Variants in TMTC1 observed in about 807,000 individuals in gnomAD.
TMTC1 encodes protein O-mannosyl-transferase TMTC1.
In TMTC1, 73 loss-of-function variants were observed where a neutral mutation model predicts 104.8. The observed-to-expected ratio is 0.70, with a 90% CI of 0.58 to 0.85. TMTC1 has a LOEUF of 0.85. Ranked by LOEUF, TMTC1 falls within the 40% of genes least tolerant of loss-of-function variation. The probability of loss-of-function intolerance (pLI) is 0.00; values close to 1 mark genes in which losing one functional copy is unlikely to be tolerated. For synonymous variants in TMTC1, 434 were observed against 428.7 expected (o/e 1.01, Z -0.15); for missense variants, 1,035 against 1,096.1 (o/e 0.94, Z 0.79).
At chr12:29,513,030 C>T (rs114668082) in intron 16 of TMTC1, among the ~76,000 whole-genome samples, 2,408 of 152,180 alleles carry the variant, frequency 0.016, 93 homozygotes, top group African/African-American at 0.055. Context: ...GAAACTATAC[C>T]TTCAAAAAGC....
At chr12:29,665,478 T>G (rs563336050) in intron 5 of TMTC1, among the ~76,000 whole-genome samples, 18 of 152,298 alleles carry the variant, frequency 1.2e-4, no homozygotes, top group Admixed American at 6.5e-5. Flanking sequence ...CCATAGTTAC[T>G]TGGTCCTCAA....
intron 5 of TMTC1, among the ~76,000 whole-genome samples, chr12:29,644,998 T>C (rs918973): frequency 0.041 from 6,294 of 152,264 alleles, 171 homozygotes; most frequent in Admixed American, 0.066. Context: ...CACACTGCCC[T>C]GTAACTGTCC....
At chr12:29,620,997 A>G (rs951160267) in intron 6 of TMTC1, among the ~76,000 whole-genome samples, 22 of 152,226 alleles carry the variant, frequency 1.4e-4, no homozygotes, top group African/African-American at 5.3e-4. Flanking sequence ...CTCCAGGCAG[A>G]ACAAGATGGA....
intron 6 of TMTC1, among the ~76,000 whole-genome samples, chr12:29,606,879 GA>G (rs920120179): frequency 6.6e-6 from 1 of 151,230 alleles, no homozygotes; most frequent in African/African-American, 2.4e-5. Flanking sequence ...TTTTTTTTGA[GA>G]CTGAATCTGG....
At chr12:29,643,380 C>G (rs1565732574) in intron 5 of TMTC1, among the ~76,000 whole-genome samples, 1 of 96,806 alleles carries the variant, frequency 1.0e-5, no homozygotes, top group Non-Finnish European at 2.2e-5. Context: ...TAGCACAATG[C>G]TATGGTGAAC....
At chr12:29,744,097 G>A (rs1006381518) in intron 5 of TMTC1, among the ~76,000 whole-genome samples, 1 of 152,214 alleles carries the variant, frequency 6.6e-6, no homozygotes, top group African/African-American at 2.4e-5. Context: ...TGTTCTGACA[G>A]CGTTCTCTTT....
chr12:29,557,723 T>TC (rs138261567), intron 9 of TMTC1, among the ~76,000 whole-genome samples: 19,296 of 152,258 alleles, frequency 0.13, 1,509 homozygotes, highest in African/African-American at 0.22. Flanking sequence ...GTGCTGGGAT[T>TC]ACAGGCATGA....
At chr12:29,746,699 C>T (rs1942963328) in intron 5 of TMTC1, among the ~76,000 whole-genome samples, 1 of 152,204 alleles carries the variant, frequency 6.6e-6, no homozygotes, top group Admixed American at 6.5e-5. Context: ...TTATAATTCA[C>T]TTTAGTGCCA....
intron 2 of TMTC1, among the ~76,000 whole-genome samples, chr12:29,759,227 G>A (rs1259018700): frequency 6.6e-6 from 1 of 152,220 alleles, no homozygotes; most frequent in Non-Finnish European, 1.5e-5. Context: ...CGGGCAGGAT[G>A]GCTCACATCT....
At chr12:29,511,499 A>G (rs1452131207) in intron 17 of TMTC1, among the ~76,000 whole-genome samples, 1 of 152,090 alleles carries the variant, frequency 6.6e-6, no homozygotes. Context: ...TAGTCCCCCA[A>G]AGGTCATTTT....
chr12:29,783,670 C>T lies in TMTC1; in HGVS notation c.82G>A (p.Gly28Arg). The T allele has an allele frequency of 2.3e-6, 3 of 1,330,018 alleles. No individual in the cohort carries two copies. The highest frequency in any genetic ancestry group is 2.9e-6 in the Non-Finnish European group (3 of 1,046,046). 82.4% of individuals were successfully genotyped at this position (1,330,018 alleles called of 1,614,324 possible). A position where few individuals can be genotyped will look rare whatever the true frequency, so the allele number is the denominator to read the frequency against. Residue 28 changes from glycine (G) to arginine (R), a missense_variant, in exon 1 of 18, where the codon GGG becomes AGG. Transcript: ENST00000539277. The surrounding 1 kb of genome is among the most constrained non-coding windows in gnomAD (Gnocchi z 4.7). ...GCCCCGGCCAGCAGCGCCGCGGCCC[C>T]GGCCGGCGCTAGCCCGCAGCCCCGC... is the stretch of plus-strand genomic sequence containing the variant. ...RRRGCGLAPA[G>R]AAALLAGASC...
intron 5 of TMTC1, among the ~76,000 whole-genome samples, chr12:29,671,084 G>A (rs976168357): frequency 6.8e-6 from 1 of 147,438 alleles, no homozygotes; most frequent in African/African-American, 2.5e-5. Flanking sequence ...ACGAGGTCAG[G>A]GGTGTGAGAC....
At chr12:29,585,165 T>C (rs1182300712) in intron 7 of TMTC1, among the ~76,000 whole-genome samples, 3 of 151,874 alleles carry the variant, frequency 2.0e-5, no homozygotes, top group African/African-American at 7.3e-5. Flanking sequence ...CATTGTGGTT[T>C]TGATTTGCAT....
intron 5 of TMTC1, among the ~76,000 whole-genome samples, chr12:29,710,352 C>T (rs1308729799): frequency 6.6e-6 from 1 of 151,946 alleles, no homozygotes; most frequent in Non-Finnish European, 1.5e-5. Flanking sequence ...GCTGCTCTTT[C>T]CTTGCAGCCA....
At chr12:29,713,646 C>T (rs1941999894) in intron 5 of TMTC1, among the ~76,000 whole-genome samples, 2 of 152,150 alleles carry the variant, frequency 1.3e-5, no homozygotes. Flanking sequence ...AATGAAGTCA[C>T]AAGCTTGAAC....
rs374016489 is a variant in TMTC1, at chr12:29,694,648, T to C, written c.938+57018A>G. Among the ~76,000 whole-genome samples, 67 of 152,266 alleles carry C rather than the reference T, an allele frequency of 4.4e-4. 1 individual carries two copies. In the South Asian group the frequency reaches 0.014, roughly 31 times the overall value. ...GGCCACAGACTTGGTGGTTAAAAAC[T>C]GCAACAAGCGGCTGGGTGTGGTGGC... On this transcript the variant is annotated intron_variant, in intron 5 of 17. Coordinates refer to ENST00000539277, the MANE Select transcript of TMTC1 (RefSeq NM_001193451.2).
At chr12:29,544,975 A>C (rs996901557) in intron 10 of TMTC1, among the ~76,000 whole-genome samples, 1 of 152,148 alleles carries the variant, frequency 6.6e-6, no homozygotes, top group Non-Finnish European at 1.5e-5. Flanking sequence ...ATTATTAAAT[A>C]ATCTCTACCT....
intron 5 of TMTC1, among the ~76,000 whole-genome samples, chr12:29,738,505 C>G (rs1942741513): frequency 6.6e-6 from 1 of 152,170 alleles, no homozygotes; most frequent in African/African-American, 2.4e-5. Context: ...AAAATGCAGT[C>G]AATATTAGGC....
chr12:29,509,708 G>A (rs898689655), intron 17 of TMTC1, among the ~76,000 whole-genome samples: 2 of 152,166 alleles, frequency 1.3e-5, no homozygotes, highest in African/African-American at 4.8e-5. Flanking sequence ...CTGCAAAGGT[G>A]GCAATTTTAT....
Sources: gnomAD v4.1 joint callset for allele counts (sites outside exome capture counted in the v4.1 genomes callset) on GRCh38, gnomAD v4.1.1 for gene constraint, Gnocchi (gnomAD v3.1) non-coding constraint, MANE v1.5 for transcripts, NCBI Gene and HGNC (gene_info 2026-07-23, HGNC 2026-07-21) for gene names.